ATP2C1: variants seen among roughly 807,000 people sequenced by gnomAD.
ATP2C1 encodes calcium-transporting ATPase type 2C member 1.
ATP2C1 carries 31 observed loss-of-function variants against 120.5 expected under a neutral mutation model. That is an observed-to-expected ratio of 0.26 (90% CI 0.19 to 0.35). ATP2C1 has a LOEUF of 0.35. Among genes scored for constraint, ATP2C1 ranks in the 10% least tolerant of loss-of-function variants. The pLI, the probability that ATP2C1 is intolerant of heterozygous loss-of-function variation, is 1.00. For missense variants in ATP2C1, 731 were observed against 1,107.5 expected (o/e 0.66, Z 4.83); for synonymous variants, 351 against 358.7 (o/e 0.98, Z 0.24).
intron 1 of ATP2C1, among the ~76,000 whole-genome samples, chr3:130,877,602 C>A (rs1456206267): frequency 1.4e-5 from 2 of 146,814 alleles, no homozygotes; most frequent in Non-Finnish European, 3.0e-5. Flanking sequence ...CCATCTCACA[C>A]CAGTTAGAAC....
At chr3:130,891,484 T>G (rs2069166414), upstream of ATP2C1, among the ~76,000 whole-genome samples, 1 of 152,240 alleles carries the variant, frequency 6.6e-6, no homozygotes, top group Admixed American at 6.5e-5. Context: ...GTGACCACTT[T>G]TTGCATCAGA....
chr3:130,977,338 A>G (rs1352010863), intron 18 of ATP2C1, among the ~76,000 whole-genome samples: 2 of 152,180 alleles, frequency 1.3e-5, no homozygotes, highest in Admixed American at 1.3e-4. Flanking sequence ...TTGGTGAACA[A>G]AATGTGAACC....
chr3:130,999,711 T>C, intron 27 of ATP2C1, 52 bp downstream of exon 27: 1 of 1,491,390 alleles, frequency 6.7e-7, no homozygotes, highest in South Asian at 1.2e-5. Flanking sequence ...AATCATATTT[T>C]CTAATGTGTT....
upstream of ATP2C1, among the ~76,000 whole-genome samples, chr3:130,893,397 T>A (rs538410978): frequency 2.0e-5 from 3 of 152,304 alleles, no homozygotes; most frequent in African/African-American, 7.2e-5. Flanking sequence ...TGCTCTCTCA[T>A]TACACATGGT....
At chr3:130,953,774 T>G (rs1232735729) in intron 8 of ATP2C1, 47 bp from the exon 9 acceptor site, 1 of 1,606,424 alleles carries the variant, frequency 6.2e-7, no homozygotes, top group East Asian at 2.2e-5. Context: ...CTAGAGATGT[T>G]AAATGTAGCA....
Position 130,959,324 on chromosome 3 carries a change from G to T in ATP2C1, c.882G>T (p.Met294Ile). 6.2e-7 allele frequency: 1 copy of T among 1,607,420 alleles called. No homozygotes were observed. ...GWLLGKDILE[M>I]FTISVSLAVA... Reference sequence around the variant, plus strand: ...TACTGGGAAAAGATATCCTGGAAATGTTTACTATTAGTGTAAGGTAAGTCT... The same window carrying T: ...TACTGGGAAAAGATATCCTGGAAATTTTTACTATTAGTGTAAGGTAAGTCT... Residue 294 changes from methionine (M) to isoleucine (I), a missense_variant, in exon 12 of 28, where the codon ATG (methionine) becomes ATT (isoleucine). By Grantham distance (10) the Met-to-Ile change is conservative (BLOSUM62 1). Around this residue, in one of 3 missense-constraint regions of ATP2C1, gnomAD observed 571 missense variants for 845.9 expected, o/e 0.67. Transcript: ENST00000510168.
intron 1 of ATP2C1, among the ~76,000 whole-genome samples, chr3:130,869,978 T>C (rs1016475791): frequency 2.6e-5 from 4 of 152,200 alleles, no homozygotes; most frequent in Non-Finnish European, 4.4e-5. Context: ...ACTTTCTTGT[T>C]TGGAACCAGT....
intron 20 of ATP2C1, among the ~76,000 whole-genome samples, chr3:130,983,963 C>T (rs1560011984): frequency 6.6e-6 from 1 of 152,178 alleles, no homozygotes; most frequent in Non-Finnish European, 1.5e-5. Flanking sequence ...TAAAGCTGCT[C>T]TAAACATTCA....
intron 2 of ATP2C1, among the ~76,000 whole-genome samples, chr3:130,895,640 C>G (rs1227331937): frequency 6.6e-6 from 1 of 152,038 alleles, no homozygotes; most frequent in Non-Finnish European, 1.5e-5. Context: ...CAGTTTTTTC[C>G]TCTGGTATAA....
At chr3:130,958,559 T>G (rs1576883374) in intron 11 of ATP2C1, among the ~76,000 whole-genome samples, 3 of 152,198 alleles carry the variant, frequency 2.0e-5, no homozygotes, top group East Asian at 3.8e-4. Context: ...TTCATATTGA[T>G]TTGCAGTCTT....
Position 130,934,110 on chromosome 3 carries a change from C to T in ATP2C1, c.235-512C>T, listed in dbSNP as rs541473688. Among the ~76,000 whole-genome samples the T allele has an allele frequency of 6.6e-5, 10 of 152,200 alleles. No homozygotes were observed. The South Asian group carries it at 2.1e-3, about 32-fold the overall frequency. On this transcript the variant is annotated intron_variant, in intron 4 of 27. Coordinates refer to ENST00000510168, the MANE Select transcript of ATP2C1 (RefSeq NM_001378687.1). ...TATGATTTGCTGTGGTAGATAGAAA[C>T]CAGGAAAGCTAGCCTTGAGGAAAAT...
At position 130,964,007 on chromosome 3, in the gene ATP2C1, T is replaced by G; in HGVS notation, c.936T>G (p.Ile312Met). The change falls in exon 13 of 28, where the codon ATT becomes ATG. Residue 312 changes from isoleucine to methionine, a missense_variant. Ile to Met is a conservative substitution (Grantham distance 10, BLOSUM62 1). Around this residue, in one of 3 missense-constraint regions of ATP2C1, gnomAD observed 571 missense variants for 845.9 expected, o/e 0.67. Coordinates refer to ENST00000510168, the MANE Select transcript of ATP2C1 (RefSeq NM_001378687.1). ...CAGCAATTCCTGAAGGTCTCCCCATTGTGGTCACAGTGACGCTAGCTCTTG... is the reference window on the plus strand; with the variant it reads ...CAGCAATTCCTGAAGGTCTCCCCATGGTGGTCACAGTGACGCTAGCTCTTG... ...AVAAIPEGLP[I>M]VVTVTLALGV... is the part of the protein sequence containing the mutation. 2 of 1,612,806 alleles carry G rather than the reference T, an allele frequency of 1.2e-6. No homozygotes were observed. The highest frequency in any genetic ancestry group is 1.7e-6 in the Non-Finnish European group (2 of 1,178,996).
At chr3:130,945,205 G>C (rs1228919795) in intron 8 of ATP2C1, among the ~76,000 whole-genome samples, 1 of 151,794 alleles carries the variant, frequency 6.6e-6, no homozygotes, top group Non-Finnish European at 1.5e-5. Context: ...TTTTTCCCCC[G>C]AGGGTTTTTA....
chr3:130,868,003 C>A (rs1008955584), intron 1 of ATP2C1: 1 of 168,498 alleles, frequency 5.9e-6, no homozygotes, highest in African/African-American at 2.5e-5. Flanking sequence ...AGTGAGGAAA[C>A]CCTCTGCCTG....
intron 1 of ATP2C1, among the ~76,000 whole-genome samples, chr3:130,880,794 A>G (rs2107813156): frequency 6.6e-6 from 1 of 152,276 alleles, no homozygotes; most frequent in East Asian, 1.9e-4. Context: ...CCTGGGCTAA[A>G]CTGCAGGATC....
chr3:130,882,811 A>AT (rs977142479), intron 1 of ATP2C1, among the ~76,000 whole-genome samples: 17 of 151,666 alleles, frequency 1.1e-4, no homozygotes, highest in South Asian at 4.2e-4. Flanking sequence ...CAGCCTGTAG[A>AT]TTTTTTTTTG....
At chr3:131,006,698 T>G (rs1385054054), downstream of ATP2C1, among the ~76,000 whole-genome samples, 1 of 151,714 alleles carries the variant, frequency 6.6e-6, no homozygotes, top group African/African-American at 2.4e-5. Context: ...ACTTTTTTTT[T>G]TTTTGGCAGG....
chr3:130,913,263 T>TA (rs933268865), intron 2 of ATP2C1, among the ~76,000 whole-genome samples: 1,618 of 146,322 alleles, frequency 0.011, 18 homozygotes, highest in Non-Finnish European at 0.012. Flanking sequence ...TAAATAAATT[T>TA]AAAAAAAAAA....
intron 2 of ATP2C1, among the ~76,000 whole-genome samples, chr3:130,917,164 G>A (rs2058725227): frequency 6.6e-6 from 1 of 152,164 alleles, no homozygotes; most frequent in East Asian, 1.9e-4. Flanking sequence ...TTGCTCAACT[G>A]TAGGCTAATG....
Sources: allele counts gnomAD v4.1 joint callset (sites outside exome capture counted in the v4.1 genomes callset), GRCh38; gene constraint gnomAD v4.1.1; regional missense constraint gnomAD v4.1.1; transcripts MANE v1.5; gene names NCBI Gene and HGNC (gene_info 2026-07-23, HGNC 2026-07-21).